REPIN1: variants seen among roughly 807,000 people sequenced by gnomAD.
The protein encoded by REPIN1 is DNA-binding protein REPIN1.
A neutral mutation model predicts 5.7 loss-of-function variants in REPIN1; 4 were observed. The ratio of observed to expected loss-of-function variants is 0.71; its 90% CI spans 0.35 to 1.62. The LOEUF is 1.62. Among genes scored for constraint, REPIN1 ranks in the 40% most tolerant of loss-of-function variants. The pLI is 0.05. For missense variants in REPIN1, 854 were observed against 901.0 expected (o/e 0.95, Z 0.67); for synonymous variants, 410 against 386.2 (o/e 1.06, Z -0.72).
chr7:150,371,820 T>C lies in REPIN1; in HGVS notation c.750T>C (p.Val250=), dbSNP rs753047514. 4.3e-6 allele frequency: 7 copies of C among 1,609,414 alleles called. No homozygotes were observed. Among genetic ancestry groups the C allele is most frequent in the African/African-American group, 1.3e-5 (1 of 74,880 alleles). The part of the protein sequence containing the change: ...GRSFAQWDQL[V]AHKRVHVAEA... ...GCTTTGCCCAGTGGGACCAGCTAGT[T>C]GCCCACAAGCGGGTGCACGTAGCTG... Residue 250 remains valine, a synonymous_variant, in exon 3 of 3, where the codon GTT becomes GTC. Transcript: ENST00000489432.
upstream of REPIN1, chr7:150,368,305 C>T (rs1472943104): frequency 2.0e-5 from 3 of 152,148 alleles, no homozygotes; most frequent in Non-Finnish European, 2.9e-5. Context: ...AAATCGGAAG[C>T]TAGGGCCTTC....
At chr7:150,370,201 G>A (rs1042064032) in intron 2 of REPIN1, 8 of 290,014 alleles carry the variant, frequency 2.8e-5, no homozygotes, top group African/African-American at 1.5e-4. Context: ...CCCCTGGCGA[G>A]GTTGGGGCAG....
chr7:150,369,994 C>T, intron 2 of REPIN1, 126 bp downstream of exon 2: 2 of 1,155,208 alleles, frequency 1.7e-6, no homozygotes, highest in East Asian at 2.5e-5. Flanking sequence ...CAGTCTGACA[C>T]TGGGAATGAG....
intron 2 of REPIN1, chr7:150,370,357 T>C: frequency 7.5e-6 from 2 of 265,672 alleles, no homozygotes; most frequent in African/African-American, 2.2e-5. Context: ...AGGGAGAGCC[T>C]TCCTTCCTGC....
chr7:150,369,980 TGCA>T, intron 2 of REPIN1, 112 bp downstream of exon 2: 1 of 1,299,620 alleles, frequency 7.7e-7, no homozygotes, highest in Non-Finnish European at 1.1e-6. Context: ...GTCTTCCCTG[TGCA>T]CAGTCTGACA....
rs747511625 is a variant in REPIN1 at position 150,371,985 on chromosome 7, G to C, written c.915G>C (p.Lys305Asn). Residue 305 changes from lysine to asparagine, a missense_variant, in exon 3 of 3, where the codon AAG (lysine) becomes AAC (asparagine). Physicochemically the swap from Lys to Asn is moderately conservative, Grantham distance 94. Coordinates refer to ENST00000489432, the MANE Select transcript of REPIN1 (RefSeq NM_001099695.2). ...GTTGTGGCAAGCGCTTCCGGCACAA[G>C]CCCAACTTGATCGCTCACCGCCGCG... Reference protein sequence around the residue: ...CACCGKRFRHKPNLIAHRRVH... With the variant: ...CACCGKRFRHNPNLIAHRRVH... 6.2e-7 allele frequency: 1 copy of C among 1,610,904 alleles called. No individual in the cohort carries two copies. The highest frequency in any genetic ancestry group is 1.3e-5 in the African/African-American group (1 of 74,934).
At position 150,373,249 on chromosome 7, in the gene REPIN1, T is replaced by A. The variant is rs1320140998; in HGVS notation, c.*304T>A. 9.1e-6 allele frequency: 4 copies of A among 438,274 alleles called. No individual in the cohort carries two copies. The South Asian group carries it at 1.4e-4, about 16-fold the overall frequency. The allele number at this position is 438,274 out of a possible 1,614,324, so 27.1% of individuals were successfully genotyped here. The stretch of plus-strand genomic sequence containing the variant: ...CATCCGCCCCTTAGAGCCCTCTGGC[T>A]AGAGGAGCCACCAGTGGAAAGGAAG... On this transcript the variant is annotated 3_prime_UTR_variant, in exon 3 of 3. Coordinates refer to ENST00000489432, the MANE Select transcript of REPIN1 (RefSeq NM_001099695.2).
In REPIN1 at chr7:150,372,260, C is replaced by T; in HGVS notation, c.1190C>T (p.Ala397Val). The change falls in exon 3 of 3, where the codon GCG becomes GTG. Residue 397 changes from alanine (A) to valine (V), a missense_variant. Transcript: ENST00000489432. The part of the protein sequence containing the change: ...PQLPAGPQES[A>V]AEPTPAVPLK... ...CTGCCAGCCGGCCCCCAGGAGTCCGCGGCCGAGCCCACCCCGGCGGTACCT... is the reference window on the plus strand; with the variant it reads ...CTGCCAGCCGGCCCCCAGGAGTCCGTGGCCGAGCCCACCCCGGCGGTACCT... 1 of 1,520,800 alleles carries T rather than the reference C, an allele frequency of 6.6e-7. No individual in the cohort carries two copies. Among genetic ancestry groups the T allele is most frequent in the Admixed American group, 2.2e-5 (1 of 45,894 alleles). The allele number at this position is 1,520,800 out of a possible 1,614,324, so 94.2% of individuals were successfully genotyped here.
intron 2 of REPIN1, chr7:150,370,696 C>T (rs1799594607): frequency 2.8e-6 from 2 of 702,000 alleles, no homozygotes; most frequent in Non-Finnish European, 2.6e-6. Context: ...TGTTGGCTTA[C>T]TGTGTCACCT....
intron 1 of REPIN1, 153 bp downstream of exon 1, chr7:150,369,094 A>G: frequency 2.8e-6 from 1 of 353,418 alleles, no homozygotes. Flanking sequence ...ACCTGCGCAC[A>G]GGCTCCGCGA....
Position 150,372,123 on chromosome 7 carries a change from CAA to C in REPIN1, c.1055_1056del (p.Lys352ArgfsTer305). On this transcript the variant is annotated frameshift_variant, in exon 3 of 3. Coordinates refer to ENST00000489432, the MANE Select transcript of REPIN1 (RefSeq NM_001099695.2). LOFTEE classifies it low-confidence loss of function (END_TRUNC). ...ACACCGGCGAGAAGCCCTACCCGTG[CAA>C]AGAGTGCGGCCGCCGCTTCCGGCAC... ...IHTGEKPYPC[K>X]ECGRRFRHKP... The C allele has an allele frequency of 6.2e-7, 1 of 1,611,816 alleles. No individual in the cohort carries two copies. Among genetic ancestry groups the C allele is most frequent in the Non-Finnish European group, 8.5e-7 (1 of 1,179,560 alleles).
intron 2 of REPIN1, chr7:150,370,330 G>A (rs887221117): frequency 2.7e-5 from 7 of 258,924 alleles, no homozygotes; most frequent in Non-Finnish European, 5.3e-5. Flanking sequence ...AGCAGGCTGT[G>A]GGTGTTCCTT....
rs749777134 is a variant in REPIN1 at position 150,372,753 on chromosome 7, G to A, written c.1683G>A (p.Ser561=). ...KAFSQKSNLV[S]HRRIHTGERP... is the part of the protein sequence containing the mutation. The stretch of plus-strand genomic sequence containing the variant: ...TCAGCCAGAAGTCCAACCTGGTGTC[G>A]CACCGGCGCATCCACACGGGCGAGC... The change falls in exon 3 of 3, where the codon TCG becomes TCA. Residue 561 remains serine (S), a synonymous_variant. Coordinates refer to ENST00000489432, the MANE Select transcript of REPIN1 (RefSeq NM_001099695.2). The A allele has an allele frequency of 4.6e-5, 74 of 1,611,946 alleles. No individual in the cohort carries two copies. Among genetic ancestry groups the A allele is most frequent in the Non-Finnish European group, 5.5e-5 (65 of 1,179,880 alleles).
At position 150,372,804 on chromosome 7, in the gene REPIN1, C is replaced by T. The variant is rs1475841405; in HGVS notation, c.1734C>T (p.Asp578=). Residue 578 remains aspartate (D), a synonymous_variant, in exon 3 of 3, where the codon GAC becomes GAT. Coordinates refer to ENST00000489432, the MANE Select transcript of REPIN1 (RefSeq NM_001099695.2). The part of the protein sequence containing the change: ...GERPYACPDC[D]RSFSQKSNLI... ...GGCCCTACGCCTGTCCCGACTGCGA[C>T]CGCAGCTTCAGCCAGAAGTCCAACC... 1.9e-6 allele frequency: 3 copies of T among 1,612,240 alleles called. No homozygotes were observed. Among genetic ancestry groups the T allele is most frequent in the East Asian group, 4.5e-5 (2 of 44,892 alleles).
In REPIN1 at chr7:150,372,078, G is replaced by A. The variant is rs1404447006; in HGVS notation, c.1008G>A (p.Leu336=). Residue 336 remains leucine, a synonymous_variant, in exon 3 of 3, where the codon CTG becomes CTA. Coordinates refer to ENST00000489432, the MANE Select transcript of REPIN1 (RefSeq NM_001099695.2). ...CGKRFTNKPY[L]TSHRRIHTGE... is the part of the protein sequence containing the mutation. ...AGCGCTTTACCAATAAGCCCTATCT[G>A]ACTTCGCACCGGCGCATCCACACCG... The A allele has an allele frequency of 6.2e-7, 1 of 1,612,418 alleles. No individual in the cohort carries two copies. The highest frequency in any genetic ancestry group is 1.1e-5 in the South Asian group (1 of 91,074).
chr7:150,372,840 C>T lies in REPIN1; in HGVS notation c.1770C>T (p.His590=). ...SFSQKSNLIT[H]RKSHIRDGAF... The stretch of plus-strand genomic sequence containing the variant: ...GCCAGAAGTCCAACCTCATCACCCA[C>T]CGCAAGAGCCACATCCGGGACGGCG... The change falls in exon 3 of 3, where the codon CAC becomes CAT. Residue 590 remains histidine, a synonymous_variant. Coordinates refer to ENST00000489432, the MANE Select transcript of REPIN1 (RefSeq NM_001099695.2). The T allele has an allele frequency of 6.2e-7, 1 of 1,612,808 alleles. No homozygotes were observed. Among genetic ancestry groups the T allele is most frequent in the Non-Finnish European group, 8.5e-7 (1 of 1,180,016 alleles).
In REPIN1 at chr7:150,372,786, C is replaced by T. The variant is rs760420365; in HGVS notation, c.1716C>T (p.Tyr572=). 3 of 1,612,080 alleles carry T rather than the reference C, an allele frequency of 1.9e-6. No homozygotes were observed. The highest frequency in any genetic ancestry group is 4.5e-5 in the East Asian group (2 of 44,876). The change falls in exon 3 of 3, where the codon TAC becomes TAT. Residue 572 remains tyrosine, a synonymous_variant. Transcript: ENST00000489432. ...HRRIHTGERP[Y]ACPDCDRSFS... is the part of the protein sequence containing the mutation. ...GCATCCACACGGGCGAGCGGCCCTA[C>T]GCCTGTCCCGACTGCGACCGCAGCT...
intron 2 of REPIN1, chr7:150,370,494 G>A (rs1012998928): frequency 4.1e-6 from 2 of 492,542 alleles, no homozygotes; most frequent in African/African-American, 1.9e-5. Flanking sequence ...TCCCCGAGAA[G>A]GGCTGTTCTC....
chr7:150,371,325 C>T lies in REPIN1; in HGVS notation c.255C>T (p.Pro85=). 6.3e-7 allele frequency: 1 copy of T among 1,584,918 alleles called. No homozygotes were observed. The highest frequency in any genetic ancestry group is 1.3e-5 in the African/African-American group (1 of 74,526). ...RLLSGPSQES[P]QTLGKESRGL... The stretch of plus-strand genomic sequence containing the variant: ...TTTCTGGGCCCTCCCAGGAGTCACC[C>T]CAGACCCTGGGGAAGGAGTCCCGCG... Residue 85 remains proline (P), a synonymous_variant, in exon 3 of 3, where the codon CCC becomes CCT. Coordinates refer to ENST00000489432, the MANE Select transcript of REPIN1 (RefSeq NM_001099695.2).
Sources: gnomAD v4.1 joint callset for allele counts on GRCh38, gnomAD v4.1.1 for gene constraint, MANE v1.5 for transcripts, NCBI Gene and HGNC (gene_info 2026-07-23, HGNC 2026-07-21) for gene names.